LTN1: variants seen among roughly 807,000 people sequenced by gnomAD.
The protein encoded by LTN1 is listerin E3 ubiquitin protein ligase 1, also known as E3 ubiquitin-protein ligase listerin.
A neutral mutation model predicts 201.2 loss-of-function variants in LTN1; 88 were observed. That is an observed-to-expected ratio of 0.44 (90% confidence interval 0.37 to 0.52). The LOEUF (loss-of-function observed/expected upper bound fraction) is 0.52, where lower values mean the gene tolerates loss of function less well. Ranked by LOEUF, LTN1 falls within the 20% of genes least tolerant of loss-of-function variation. The pLI, the probability that LTN1 is intolerant of heterozygous loss-of-function variation, is 0.00. For synonymous variants in LTN1, 645 were observed against 713.5 expected (o/e 0.90, Z 1.53); for missense variants, 1,752 against 2,038.7 (o/e 0.86, Z 2.71).
At chr21:28,955,924 A>AAAAAAAAAAAAAAAAAAAAAAG in intron 16 of LTN1, among the ~76,000 whole-genome samples, 1 of 96,470 alleles carries the variant, frequency 1.0e-5, no homozygotes. Context: ...CTCTGTCTCA[A>AAAAAAAAAAAAAAAAAAAAAAG]AAAAAAAAAA....
In LTN1 at chr21:28,966,604, TAC is replaced by T; in HGVS notation, c.1885_1886del (p.Val629IlefsTer2). 6.2e-7 allele frequency: 1 copy of T among 1,614,134 alleles called. No homozygotes were observed. The highest frequency in any genetic ancestry group is 8.5e-7 in the Non-Finnish European group (1 of 1,180,020). On this transcript the variant is annotated frameshift_variant, in exon 10 of 30. Coordinates refer to ENST00000361371, the MANE Select transcript of LTN1 (RefSeq NM_015565.3). LOFTEE classifies it high-confidence loss of function. ...TLLDSFSSSRVFKMLLGDEKQ... is the reference protein window; with the variant it reads ...TLLDSFSSSRXFKMLLGDEKQ... ...TTTCATCACCAAGTAGCATTTTAAA[TAC>T]TCGGCTTGAAGAAAAGGAGTCAAGC...
intron 11 of LTN1, among the ~76,000 whole-genome samples, chr21:28,962,588 C>CT (rs1428958875): frequency 6.6e-6 from 1 of 152,178 alleles, no homozygotes; most frequent in Non-Finnish European, 1.5e-5. Context: ...CTTCTCTGTC[C>CT]TTAGGCATCC....
At position 28,960,643 on chromosome 21, in the gene LTN1, C is replaced by T; in HGVS notation, c.2227G>A (p.Glu743Lys). 6.2e-7 allele frequency: 1 copy of T among 1,614,098 alleles called. No homozygotes were observed. The highest frequency in any genetic ancestry group is 8.5e-7 in the Non-Finnish European group (1 of 1,179,976). The change falls in exon 12 of 30, where the codon GAG becomes AAG. Residue 743 changes from glutamate (E) to lysine (K), a missense_variant. Transcript: ENST00000361371. ...TPWLKGDILG[E>K]KLVNLADCLC... ...CAATCTGCCAAGTTGACCAATTTCT[C>T]ACCAAGGATATCGCCTTTGAGCCAA...
chr21:28,985,486 G>A (rs1024415473), intron 3 of LTN1, among the ~76,000 whole-genome samples: 4 of 151,108 alleles, frequency 2.6e-5, no homozygotes, highest in Admixed American at 2.6e-4. Context: ...AAAAAAGTTG[G>A]GTCTTCAATA....
intron 25 of LTN1, among the ~76,000 whole-genome samples, chr21:28,939,262 G>T (rs1039217564): frequency 2.6e-5 from 4 of 152,132 alleles, no homozygotes; most frequent in African/African-American, 9.6e-5. Flanking sequence ...TTTATATAAG[G>T]AACTTGAGTA....
At chr21:28,960,489 T>G (rs777942186) in intron 12 of LTN1, 28 bp downstream of exon 12, 1 of 1,569,974 alleles carries the variant, frequency 6.4e-7, no homozygotes, top group Admixed American at 1.7e-5. Flanking sequence ...TATTCCCCAT[T>G]AGAAAACAAA....
At chr21:28,982,450 C>T (rs1276733535) in intron 4 of LTN1, 82 bp from the exon 5 acceptor site, 5 of 1,051,678 alleles carry the variant, frequency 4.8e-6, no homozygotes, top group Non-Finnish European at 4.4e-6. Flanking sequence ...AAATAAAATC[C>T]ACTTTTTAAA....
At chr21:28,932,303 A>G (rs994128645) in intron 28 of LTN1, among the ~76,000 whole-genome samples, 167 bp downstream of exon 28, 1 of 152,230 alleles carries the variant, frequency 6.6e-6, no homozygotes, top group Non-Finnish European at 1.5e-5. Flanking sequence ...AACAATTAAA[A>G]CAGAAAGGCA....
At position 28,941,244 on chromosome 21, in the gene LTN1, A is replaced by G; in HGVS notation, c.4458T>C (p.Thr1486=). 1 of 1,611,692 alleles carries G rather than the reference A, an allele frequency of 6.2e-7. No homozygotes were observed. The highest frequency in any genetic ancestry group is 1.3e-5 in the African/African-American group (1 of 74,940). ...GYLLTWKLIL[T]FFKAASSQLR... ...CCTGTGATGATGCAGCTTTGAAGAAAGTTAGTATTAATTTCCAAGTGAGAA... is the reference window on the plus strand; with the variant it reads ...CCTGTGATGATGCAGCTTTGAAGAAGGTTAGTATTAATTTCCAAGTGAGAA... Residue 1486 remains threonine, a synonymous_variant, in exon 25 of 30, where the codon ACT becomes ACC. Transcript: ENST00000361371.
Position 28,982,491 on chromosome 21 carries a change from C to A in LTN1, c.577-123G>T. 1 of 706,042 alleles carries A rather than the reference C, an allele frequency of 1.4e-6. No homozygotes were observed. Among genetic ancestry groups the A allele is most frequent in the South Asian group, 1.7e-5 (1 of 57,480 alleles). The allele number at this position is 706,042 out of a possible 1,614,324, so 43.7% of individuals were successfully genotyped here. A position where few individuals can be genotyped will look rare whatever the true frequency, so the allele number is the denominator to read the frequency against. On this transcript the variant is annotated intron_variant, in intron 4 of 29. Transcript: ENST00000361371. Reference sequence around the variant, plus strand: ...CCATAAACATCATCTTACCTAAGAGCAGAATCAAATAGCAAAACTGAAAGG... The same window carrying A: ...CCATAAACATCATCTTACCTAAGAGAAGAATCAAATAGCAAAACTGAAAGG...
intron 29 of LTN1, 42 bp from the exon 30 acceptor site, chr21:28,930,552 G>A (rs750623581): frequency 7.6e-7 from 1 of 1,322,598 alleles, no homozygotes; most frequent in Non-Finnish European, 1.1e-6. Flanking sequence ...AACTTTTAAA[G>A]TTCTCCTCTA....
At chr21:28,959,345 CT>C in intron 13 of LTN1, 112 bp downstream of exon 13, 1 of 1,320,402 alleles carries the variant, frequency 7.6e-7, no homozygotes, top group South Asian at 1.5e-5. Flanking sequence ...ACTCAAAATG[CT>C]TTAAACTTTC....
In LTN1 at chr21:28,935,361, A is replaced by G. The variant is rs377433961; in HGVS notation, c.4655-32T>C. 203 of 1,295,510 alleles carry G rather than the reference A, an allele frequency of 1.6e-4. 4 individuals are homozygous for G. The Middle Eastern group carries it at 0.012, about 79-fold the overall frequency. 80.3% of individuals were successfully genotyped at this position (1,295,510 alleles called of 1,614,324 possible). On this transcript the variant is annotated intron_variant, in intron 26 of 29. Coordinates refer to ENST00000361371, the MANE Select transcript of LTN1 (RefSeq NM_015565.3). ...AAAAAACAAATTATTGATTAGTAAC[A>G]TATATTTCTTATATAGAATAACAGA...
At chr21:28,992,670 C>T in intron 1 of LTN1, 94 bp downstream of exon 1, 1 of 1,436,334 alleles carries the variant, frequency 7.0e-7, no homozygotes, top group East Asian at 2.3e-5. Context: ...CGCCTCCCTA[C>T]AGCCGCGCTC....
chr21:28,952,400 G>T, intron 17 of LTN1, 136 bp from the exon 18 acceptor site: 1 of 517,096 alleles, frequency 1.9e-6, no homozygotes, highest in Non-Finnish European at 3.4e-6. Context: ...CTAAGACTTT[G>T]CACCCAAGCA....
chr21:28,968,619 T>C (rs2084545696), intron 9 of LTN1, among the ~76,000 whole-genome samples: 1 of 150,610 alleles, frequency 6.6e-6, no homozygotes, highest in Non-Finnish European at 1.5e-5. Flanking sequence ...ACATCTTTCT[T>C]TTTTTTTTTC....
intron 1 of LTN1, among the ~76,000 whole-genome samples, chr21:28,990,605 C>T (rs1421767248): frequency 6.6e-6 from 1 of 152,150 alleles, no homozygotes; most frequent in Non-Finnish European, 1.5e-5. Flanking sequence ...TAATGAACAA[C>T]ACCTTAACCA....
chr21:28,932,580 A>T lies in LTN1; in HGVS notation c.4960T>A (p.Ser1654Thr). 1 of 1,613,564 alleles carries T rather than the reference A, an allele frequency of 6.2e-7. No individual in the cohort carries two copies. Among genetic ancestry groups the T allele is most frequent in the Non-Finnish European group, 8.5e-7 (1 of 1,179,514 alleles). The change falls in exon 28 of 30, where the codon TCA becomes ACA. Residue 1654 changes from serine to threonine, a missense_variant. Around this residue, in one of 3 missense-constraint regions of LTN1, gnomAD observed 261 missense variants for 350.1 expected, o/e 0.75. Transcript: ENST00000361371. ...IVIELIIQLP[S>T]NYPLGSIIVE... ...ATTATTGAACCCAGTGGATAATTTG[A>T]AGGCAGTTGTATTATAAGTTCAATA...
At chr21:28,934,931 C>T (rs756186151) in intron 27 of LTN1, among the ~76,000 whole-genome samples, 178 bp downstream of exon 27, 10 of 152,294 alleles carry the variant, frequency 6.6e-5, no homozygotes, top group East Asian at 1.9e-4. Context: ...CTCCTGGGCT[C>T]AAGTGATCCT....
Sources: allele counts gnomAD v4.1 joint callset (sites outside exome capture counted in the v4.1 genomes callset), GRCh38; gene constraint gnomAD v4.1.1; regional missense constraint gnomAD v4.1.1; transcripts MANE v1.5; gene names NCBI Gene and HGNC (gene_info 2026-07-23, HGNC 2026-07-21).